FHIT: variants seen among roughly 807,000 people sequenced by gnomAD.
The protein encoded by FHIT is fragile histidine triad diadenosine triphosphatase, also known as bis(5'-adenosyl)-triphosphatase.
A neutral mutation model predicts 17.9 loss-of-function variants in FHIT; 19 were observed. The observed-to-expected ratio is 1.06, with a 90% CI of 0.74 to 1.56. The LOEUF (loss-of-function observed/expected upper bound fraction) is 1.56, where lower values mean the gene tolerates loss of function less well. Among genes scored for constraint, FHIT ranks in the 40% most tolerant of loss-of-function variants. The pLI is 0.00. For missense variants in FHIT, 248 were observed against 189.2 expected (o/e 1.31, Z -1.82); for synonymous variants, 81 against 69.7 (o/e 1.16, Z -0.81).
chr3:61,034,577 G>C (rs1289970493), intron 3 of FHIT, among the ~76,000 whole-genome samples: 1 of 152,122 alleles, frequency 6.6e-6, no homozygotes, highest in Non-Finnish European at 1.5e-5. Context: ...AAACCACAAT[G>C]ACATGCTACT....
At chr3:60,476,289 A>T (rs1395684822) in intron 5 of FHIT, among the ~76,000 whole-genome samples, 2 of 152,216 alleles carry the variant, frequency 1.3e-5, no homozygotes, top group Non-Finnish European at 2.9e-5. Flanking sequence ...ACTGGAACAC[A>T]GGAAGTTCCT....
At chr3:60,278,170 A>C (rs1707251156) in intron 5 of FHIT, among the ~76,000 whole-genome samples, 1 of 152,176 alleles carries the variant, frequency 6.6e-6, no homozygotes, top group Non-Finnish European at 1.5e-5. Context: ...GCCTAGTCTT[A>C]GGGGAGACTA....
At chr3:60,173,916 T>TATATATATATATATATATATA (rs1343702595) in intron 5 of FHIT, among the ~76,000 whole-genome samples, 4 of 68,054 alleles carry the variant, frequency 5.9e-5, no homozygotes, top group South Asian at 4.4e-4. Context: ...TATATATATA[T>TATATATATATATATATATATA]GTTTTTTTTT....
chr3:60,201,003 C>G (rs1489946815), intron 5 of FHIT, among the ~76,000 whole-genome samples: 1 of 152,122 alleles, frequency 6.6e-6, no homozygotes, highest in Non-Finnish European at 1.5e-5. Flanking sequence ...TCCAACAGAA[C>G]TTACTAAAGT....
chr3:59,800,267 C>A (rs1182510121), intron 8 of FHIT, among the ~76,000 whole-genome samples: 2 of 151,792 alleles, frequency 1.3e-5, no homozygotes, highest in Admixed American at 1.3e-4. Context: ...ACATGTCAGA[C>A]AATAATTTAA....
At chr3:59,917,960 A>G (rs1392383493) in intron 8 of FHIT, among the ~76,000 whole-genome samples, 1 of 152,216 alleles carries the variant, frequency 6.6e-6, no homozygotes, top group Non-Finnish European at 1.5e-5. Context: ...GCAATCAGAC[A>G]AGGTTTATAA....
At chr3:60,412,148 G>A (rs1461687822) in intron 5 of FHIT, among the ~76,000 whole-genome samples, 1 of 152,130 alleles carries the variant, frequency 6.6e-6, no homozygotes, top group African/African-American at 2.4e-5. Flanking sequence ...GCTGAAGCAT[G>A]AGGATGGCTT....
intron 5 of FHIT, among the ~76,000 whole-genome samples, chr3:60,202,774 G>T (rs1240741593): frequency 6.6e-6 from 1 of 152,062 alleles, no homozygotes; most frequent in Non-Finnish European, 1.5e-5. Context: ...TCAAAAGGGG[G>T]TTTTATGTAT....
chr3:60,786,575 G>T (rs1035452323), intron 4 of FHIT, among the ~76,000 whole-genome samples: 1 of 152,184 alleles, frequency 6.6e-6, no homozygotes, highest in Non-Finnish European at 1.5e-5. Context: ...CAGGAACCTT[G>T]TGAAGATAAT....
intron 5 of FHIT, among the ~76,000 whole-genome samples, chr3:60,167,608 T>C (rs1701232334): frequency 6.6e-6 from 1 of 152,256 alleles, no homozygotes; most frequent in Non-Finnish European, 1.5e-5. Context: ...GGCAACTATG[T>C]TCTGATATCT....
intron 5 of FHIT, among the ~76,000 whole-genome samples, chr3:60,377,495 G>T (rs1700618907): frequency 4.8e-5 from 3 of 63,134 alleles, no homozygotes; most frequent in Admixed American, 2.5e-4. Context: ...TTTTTTTTGA[G>T]ACGGAGTCTC....
chr3:59,949,484 G>T (rs1256523502), intron 7 of FHIT, among the ~76,000 whole-genome samples: 1 of 152,186 alleles, frequency 6.6e-6, no homozygotes, highest in Non-Finnish European at 1.5e-5. Flanking sequence ...TAAGACTTCA[G>T]CCTAAAGCAA....
At chr3:60,046,193 C>T (rs1374601271) in intron 5 of FHIT, among the ~76,000 whole-genome samples, 1 of 152,218 alleles carries the variant, frequency 6.6e-6, no homozygotes, top group Non-Finnish European at 1.5e-5. Flanking sequence ...TCACATGCTT[C>T]ATTTACTACT....
chr3:61,047,203 A>G (rs2033832518), intron 2 of FHIT, among the ~76,000 whole-genome samples: 2 of 152,238 alleles, frequency 1.3e-5, no homozygotes, highest in Non-Finnish European at 2.9e-5. Context: ...TGCTGTTGGC[A>G]GATGACATGA....
At chr3:60,974,618 G>C (rs1289807680) in intron 3 of FHIT, among the ~76,000 whole-genome samples, 1 of 152,178 alleles carries the variant, frequency 6.6e-6, no homozygotes, top group Non-Finnish European at 1.5e-5. Flanking sequence ...GGAACCAAGA[G>C]TTCTTACTAA....
intron 5 of FHIT, among the ~76,000 whole-genome samples, chr3:60,396,675 G>A (rs1174178262): frequency 6.6e-6 from 1 of 152,134 alleles, no homozygotes; most frequent in Non-Finnish European, 1.5e-5. Flanking sequence ...TGCTTAATAG[G>A]TAAGAGGTTT....
intron 5 of FHIT, among the ~76,000 whole-genome samples, chr3:60,397,891 C>G (rs1701513379): frequency 1.3e-5 from 2 of 152,236 alleles, no homozygotes; most frequent in South Asian, 4.1e-4. Flanking sequence ...TGAGTAGCGT[C>G]TTTGCTTTAA....
chr3:60,369,575 C>A (rs2107048629), intron 5 of FHIT, among the ~76,000 whole-genome samples: 1 of 152,238 alleles, frequency 6.6e-6, no homozygotes, highest in South Asian at 2.1e-4. Flanking sequence ...TTGGCAGATT[C>A]TCTTGATCCT....
intron 3 of FHIT, among the ~76,000 whole-genome samples, chr3:61,012,438 A>G (rs544584255): frequency 1.3e-5 from 2 of 152,274 alleles, no homozygotes; most frequent in South Asian, 2.1e-4. Context: ...GATTTTTGGC[A>G]TAAAACTGGC....
Sources: allele counts gnomAD v4.1 joint callset (sites outside exome capture counted in the v4.1 genomes callset), GRCh38; gene constraint gnomAD v4.1.1; transcripts MANE v1.5; gene names NCBI Gene and HGNC (gene_info 2026-07-23, HGNC 2026-07-21).